STX8: variants seen among roughly 807,000 people sequenced by gnomAD.
The protein encoded by STX8 is syntaxin-8.
In STX8, 23 loss-of-function variants were observed where a neutral mutation model predicts 37.5. The observed-to-expected ratio is 0.61, with a 90% confidence interval of 0.44 to 0.87. The LOEUF (loss-of-function observed/expected upper bound fraction) is 0.87, where lower values mean the gene tolerates loss of function less well. Ranked by LOEUF, STX8 falls within the 40% of genes least tolerant of loss-of-function variation. The probability of loss-of-function intolerance (pLI) is 0.00; values close to 1 mark genes in which losing one functional copy is unlikely to be tolerated. For missense variants in STX8, 313 were observed against 284.7 expected (o/e 1.10, Z -0.71); for synonymous variants, 115 against 99.1 (o/e 1.16, Z -0.95).
At chr17:9,448,470 C>T (rs530447834) in intron 6 of STX8, among the ~76,000 whole-genome samples, 8 of 152,168 alleles carry the variant, frequency 5.3e-5, no homozygotes, top group African/African-American at 1.7e-4. Flanking sequence ...GTGATTCTGC[C>T]GTTTAAAATG....
intron 6 of STX8, among the ~76,000 whole-genome samples, chr17:9,456,595 G>A (rs572261549): frequency 1.3e-5 from 2 of 152,154 alleles, no homozygotes; most frequent in African/African-American, 4.8e-5. Context: ...TCCTAAATTA[G>A]GAAATCATCT....
intron 6 of STX8, among the ~76,000 whole-genome samples, chr17:9,476,852 T>TC (rs1416704090): frequency 1.3e-5 from 2 of 151,828 alleles, no homozygotes; most frequent in Non-Finnish European, 2.9e-5. Context: ...TGCCTCTTTT[T>TC]CTTTTTTTTG....
intron 7 of STX8, among the ~76,000 whole-genome samples, chr17:9,299,439 CTTTTTTTTTTTTT>C: frequency 1.1e-5 from 1 of 93,038 alleles, no homozygotes; most frequent in Non-Finnish European, 2.1e-5. Context: ...CATTCTTACG[CTTTTTTTTTTTTT>C]TTTTTTTTGA....
intron 4 of STX8, among the ~76,000 whole-genome samples, chr17:9,538,634 C>T (rs949907438): frequency 1.3e-5 from 2 of 152,172 alleles, no homozygotes; most frequent in African/African-American, 2.4e-5. Context: ...AAAACGTAGA[C>T]GTTTCATTAT....
At chr17:9,362,868 C>A (rs1160876686) in intron 7 of STX8, among the ~76,000 whole-genome samples, 4 of 125,736 alleles carry the variant, frequency 3.2e-5, no homozygotes, top group Non-Finnish European at 6.8e-5. Flanking sequence ...AATAAATAAT[C>A]TCTTTCTTGT....
intron 7 of STX8, among the ~76,000 whole-genome samples, chr17:9,366,268 G>A (rs964046169): frequency 9.9e-5 from 15 of 152,246 alleles, no homozygotes; most frequent in Middle Eastern, 3.4e-3. Flanking sequence ...GTCTCACTTT[G>A]TTCCCCAGGC....
rs1416236253 is a variant in STX8 at position 9,388,174 on chromosome 17, T to C, written c.542-9521A>G. Among the ~76,000 whole-genome samples, 4 of 150,758 alleles carry C rather than the reference T, an allele frequency of 2.7e-5. No individual in the cohort carries two copies. The East Asian group carries it at 8.0e-4, about 30-fold the overall frequency. ...GCAACCTCCGCCTCCCAGGTTCAAG[T>C]GATTCTCATGCCTCAGCCTCCTGAG... On this transcript the variant is annotated intron_variant, in intron 6 of 7. Transcript: ENST00000306357.
In STX8 at chr17:9,419,613, C is replaced by G. The variant is rs541233451; in HGVS notation, c.542-40960G>C. 2.0e-5 allele frequency among the ~76,000 whole-genome samples: 3 copies of G among 152,294 alleles called. No individual in the cohort carries two copies. In the East Asian group the frequency reaches 5.8e-4, roughly 29 times the overall value. ...CTCTATCTGGGAATTCCAACAGCTT[C>G]TTACATTGCATGGTGAAAACCTTTC... On this transcript the variant is annotated intron_variant, in intron 6 of 7. Transcript: ENST00000306357.
chr17:9,420,175 CTCAGG>C lies in STX8; in HGVS notation c.542-41527_542-41523del, dbSNP rs1272974658. On this transcript the variant is annotated intron_variant, in intron 6 of 7. Coordinates refer to ENST00000306357, the MANE Select transcript of STX8 (RefSeq NM_004853.3). ...GTAACCCCATGGCACAGGGACCGCA[CTCAGG>C]AAATATTCGTTGACTGAAGGAGTCC... is the stretch of plus-strand genomic sequence containing the variant. Among the ~76,000 whole-genome samples, 5 of 152,322 alleles carry C rather than the reference CTCAGG, an allele frequency of 3.3e-5. No homozygotes were observed. In the East Asian group the frequency reaches 9.6e-4, roughly 29 times the overall value.
At chr17:9,293,927 A>T (rs1166657780) in intron 7 of STX8, among the ~76,000 whole-genome samples, 1 of 135,530 alleles carries the variant, frequency 7.4e-6, no homozygotes, top group Non-Finnish European at 1.5e-5. Context: ...ACGCCTGGCT[A>T]ATTTTTTTTT....
chr17:9,506,795 C>T (rs1340527584), intron 4 of STX8, among the ~76,000 whole-genome samples: 1 of 152,064 alleles, frequency 6.6e-6, no homozygotes, highest in African/African-American at 2.4e-5. Flanking sequence ...GAGCATTCCC[C>T]ACTCCCCACC....
intron 7 of STX8, among the ~76,000 whole-genome samples, chr17:9,332,014 G>C (rs1046070609): frequency 3.3e-5 from 5 of 152,186 alleles, no homozygotes; most frequent in African/African-American, 4.8e-5. Flanking sequence ...CAATGATTCC[G>C]AGTCTGGGAT....
At chr17:9,529,895 G>A (rs1307510335) in intron 4 of STX8, among the ~76,000 whole-genome samples, 2 of 152,144 alleles carry the variant, frequency 1.3e-5, no homozygotes, top group African/African-American at 4.8e-5. Flanking sequence ...TGGGAGAATC[G>A]CGTGAGCCCA....
intron 7 of STX8, among the ~76,000 whole-genome samples, chr17:9,280,139 G>A (rs1031943282): frequency 1.1e-4 from 16 of 152,180 alleles, no homozygotes; most frequent in Non-Finnish European, 2.1e-4. Context: ...AGAATTGCTC[G>A]AGCCTGGCTG....
chr17:9,372,987 C>T (rs1035147416), intron 7 of STX8, among the ~76,000 whole-genome samples: 1 of 150,384 alleles, frequency 6.6e-6, no homozygotes, highest in Non-Finnish European at 1.5e-5. Context: ...GCCTGTAATC[C>T]CAGCTACTCA....
chr17:9,416,983 C>A (rs561486840), intron 6 of STX8, among the ~76,000 whole-genome samples: 2 of 152,290 alleles, frequency 1.3e-5, no homozygotes, highest in African/African-American at 4.8e-5. Context: ...ACCTGTGACT[C>A]ATGACTCAGC....
intron 7 of STX8, among the ~76,000 whole-genome samples, chr17:9,264,401 C>CCCCCCACG (rs1907156283): frequency 1.3e-5 from 2 of 152,220 alleles, no homozygotes; most frequent in Non-Finnish European, 2.9e-5. Context: ...ACCTTCTGAG[C>CCCCCCACG]TCAAGTGATC....
chr17:9,526,824 T>C (rs1193399696), intron 4 of STX8, among the ~76,000 whole-genome samples: 4 of 151,368 alleles, frequency 2.6e-5, no homozygotes, highest in Non-Finnish European at 5.9e-5. Context: ...CATCACGCCA[T>C]TGTACTCTGC....
At chr17:9,509,159 G>C (rs1904942902) in intron 4 of STX8, among the ~76,000 whole-genome samples, 1 of 152,162 alleles carries the variant, frequency 6.6e-6, no homozygotes, top group Non-Finnish European at 1.5e-5. Context: ...AGAGGCAGGA[G>C]AATCACTTGA....
Sources: allele counts gnomAD v4.1 joint callset (sites outside exome capture counted in the v4.1 genomes callset), GRCh38; gene constraint gnomAD v4.1.1; transcripts MANE v1.5; gene names NCBI Gene and HGNC (gene_info 2026-07-23, HGNC 2026-07-21).